The following PIK3R4 variants were observed in gnomAD, a reference collection of about 807,000 sequenced individuals.
The protein encoded by PIK3R4 is phosphoinositide-3-kinase regulatory subunit 4.
Under a neutral mutation model 136.5 loss-of-function variants are expected in PIK3R4, and 46 were observed. The observed-to-expected ratio is 0.34, with a 90% CI of 0.27 to 0.43. The LOEUF (loss-of-function observed/expected upper bound fraction) is 0.43. PIK3R4 is among the 20% of genes least tolerant of loss of function. PIK3R4 has a pLI of 1.00. For synonymous variants in PIK3R4, 557 were observed against 566.7 expected (o/e 0.98, Z 0.24); for missense variants, 1,331 against 1,649.5 (o/e 0.81, Z 3.35).
At chr3:130,707,722 G>C (rs1265663035) in intron 10 of PIK3R4, among the ~76,000 whole-genome samples, 1 of 152,152 alleles carries the variant, frequency 6.6e-6, no homozygotes, top group Non-Finnish European at 1.5e-5. Flanking sequence ...AACTGGCAGT[G>C]AATATATGTG....
At chr3:130,679,636 A>C (rs1245201245) in intron 19 of PIK3R4, 151 bp from the exon 20 acceptor site, 1 of 532,228 alleles carries the variant, frequency 1.9e-6, no homozygotes, top group African/African-American at 1.9e-5. Flanking sequence ...GAGCAAAAGG[A>C]GTAGAGGAGC....
intron 5 of PIK3R4, among the ~76,000 whole-genome samples, chr3:130,729,352 C>CT (rs1312489551): frequency 6.6e-6 from 1 of 152,198 alleles, no homozygotes. Flanking sequence ...CAGAGCTAAT[C>CT]TTTAACAATT....
At chr3:130,711,470 C>T (rs2066632154) in intron 9 of PIK3R4, among the ~76,000 whole-genome samples, 1 of 152,134 alleles carries the variant, frequency 6.6e-6, no homozygotes, top group Non-Finnish European at 1.5e-5. Flanking sequence ...AGGATCTGCA[C>T]AGAATGAGAG....
chr3:130,711,542 T>A (rs575839635), intron 9 of PIK3R4, among the ~76,000 whole-genome samples: 4 of 152,284 alleles, frequency 2.6e-5, no homozygotes, highest in African/African-American at 9.6e-5. Context: ...TATGTATGCA[T>A]AAGGAAACCA....
chr3:130,681,829 A>G (rs1043804223), intron 16 of PIK3R4, among the ~76,000 whole-genome samples: 1 of 152,152 alleles, frequency 6.6e-6, no homozygotes, highest in African/African-American at 2.4e-5. Context: ...AAAGCAGAAA[A>G]ATTCCCAGTT....
At chr3:130,744,434 C>T in intron 2 of PIK3R4, 52 bp downstream of exon 2, 1 of 1,524,250 alleles carries the variant, frequency 6.6e-7, no homozygotes, top group Non-Finnish European at 8.8e-7. Flanking sequence ...TTCTGTTTAA[C>T]AGTTAAAAGA....
At chr3:130,681,403 C>T in intron 17 of PIK3R4, 88 bp downstream of exon 17, 1 of 886,488 alleles carries the variant, frequency 1.1e-6, no homozygotes, top group East Asian at 2.4e-5. Flanking sequence ...CCCAAAAGCC[C>T]AACAGATACT....
At chr3:130,680,437 G>A in intron 19 of PIK3R4, 176 bp downstream of exon 19, 2 of 449,720 alleles carry the variant, frequency 4.4e-6, no homozygotes, top group Non-Finnish European at 8.0e-6. Flanking sequence ...CTTTCTTTAT[G>A]CTTATTTTAC....
intron 1 of PIK3R4, 121 bp from the exon 2 acceptor site, chr3:130,745,385 C>A (rs779631131): frequency 2.3e-5 from 14 of 614,566 alleles, no homozygotes; most frequent in Non-Finnish European, 3.5e-5. Flanking sequence ...CTTCCACTAA[C>A]AGCACTGTAC....
chr3:130,721,000 G>A (rs1484159458), intron 7 of PIK3R4, among the ~76,000 whole-genome samples: 8 of 151,990 alleles, frequency 5.3e-5, no homozygotes, highest in African/African-American at 1.9e-4. Flanking sequence ...TCATGCCACT[G>A]CACTCCAGCC....
At chr3:130,692,208 T>C (rs2066523435) in intron 13 of PIK3R4, among the ~76,000 whole-genome samples, 1 of 152,150 alleles carries the variant, frequency 6.6e-6, no homozygotes, top group Non-Finnish European at 1.5e-5. Flanking sequence ...TTTGCTGAAA[T>C]GATTTTCAAA....
chr3:130,716,643 TAC>T lies in PIK3R4; in HGVS notation c.2128-46_2128-45del, dbSNP rs774934526. 6 of 1,165,622 alleles carry T rather than the reference TAC, an allele frequency of 5.1e-6. No homozygotes were observed. The Admixed American group carries it at 1.5e-4, about 28-fold the overall frequency. 72.2% of individuals were successfully genotyped at this position (1,165,622 alleles called of 1,614,324 possible). On this transcript the variant is annotated intron_variant, in intron 8 of 19. Coordinates refer to ENST00000356763, the MANE Select transcript of PIK3R4 (RefSeq NM_014602.3). ...AAGGATCAGCCAAAAATATAACATG[TAC>T]AGTTATTTTCAAATTCAATAAATAC... is the stretch of plus-strand genomic sequence containing the variant.
chr3:130,703,734 G>T lies in PIK3R4; in HGVS notation c.3087C>A (p.Thr1029=). 1 of 1,610,504 alleles carries T rather than the reference G, an allele frequency of 6.2e-7. No homozygotes were observed. The highest frequency in any genetic ancestry group is 1.7e-5 in the Admixed American group (1 of 59,948). ...TGAGCATATGGTACCTGGTAGTGGT[G>T]GTCTTCCCCTCCATCTTTTGACTGT... ...IWNSQKMEGK[T]TTTRSILTYS... The change falls in exon 13 of 20, where the codon ACC becomes ACA. Residue 1029 remains threonine, a synonymous_variant. Coordinates refer to ENST00000356763, the MANE Select transcript of PIK3R4 (RefSeq NM_014602.3).
At position 130,679,302 on chromosome 3, in the gene PIK3R4, A is replaced by AAATC. The variant is rs1382951683; in HGVS notation, c.*9_*12dup. 5.9e-6 allele frequency: 9 copies of AAATC among 1,515,904 alleles called. No homozygotes were observed. Among genetic ancestry groups the AAATC allele is most frequent in the Admixed American group, 4.0e-5 (2 of 50,580 alleles). The allele number at this position is 1,515,904 out of a possible 1,614,324, so 93.9% of individuals were successfully genotyped here. On this transcript the variant is annotated 3_prime_UTR_variant, in exon 20 of 20. Coordinates refer to ENST00000356763, the MANE Select transcript of PIK3R4 (RefSeq NM_014602.3). Reference sequence around the variant, plus strand: ...TATTTATAACTATTAAAATTTATACAAATCAGTAGGTTTTATTTCCACACC... The same window carrying AAATC: ...TATTTATAACTATTAAAATTTATACAAATCAATCAGTAGGTTTTATTTCCACACC...
intron 19 of PIK3R4, chr3:130,680,388 A>C: frequency 3.7e-6 from 1 of 267,502 alleles, no homozygotes; most frequent in South Asian, 8.0e-5. Flanking sequence ...ACGATGTTAT[A>C]AAGTACATAC....
In PIK3R4 at chr3:130,716,608, G is replaced by A. The variant is rs1478026291; in HGVS notation, c.2128-9C>T. Reference sequence around the variant, plus strand: ...ACAAGTTTTCTTTCAATCTATATTGGAAAAATAAAAAGGATCAGCCAAAAA... The same window carrying A: ...ACAAGTTTTCTTTCAATCTATATTGAAAAAATAAAAAGGATCAGCCAAAAA... On this transcript the variant is annotated splice_polypyrimidine_tract_variant and intron_variant, in intron 8 of 19. Coordinates refer to ENST00000356763, the MANE Select transcript of PIK3R4 (RefSeq NM_014602.3). 1 of 1,583,572 alleles carries A rather than the reference G, an allele frequency of 6.3e-7. No individual in the cohort carries two copies. Among genetic ancestry groups the A allele is most frequent in the Non-Finnish European group, 8.6e-7 (1 of 1,162,212 alleles).
intron 6 of PIK3R4, among the ~76,000 whole-genome samples, chr3:130,724,075 A>G (rs557525647): frequency 1.3e-5 from 2 of 152,342 alleles, no homozygotes; most frequent in African/African-American, 2.4e-5. Context: ...AAAAGCTAGC[A>G]AAGACCTAGA....
chr3:130,701,287 G>A (rs940275808), intron 13 of PIK3R4, among the ~76,000 whole-genome samples: 4 of 152,178 alleles, frequency 2.6e-5, no homozygotes, highest in East Asian at 1.9e-4. Flanking sequence ...TGAGGCGGGC[G>A]GATCACTTGA....
intron 13 of PIK3R4, among the ~76,000 whole-genome samples, chr3:130,697,173 A>G (rs2066550760): frequency 6.9e-6 from 1 of 144,646 alleles, no homozygotes. Flanking sequence ...GGGTTCAAGC[A>G]GTTCTCCCAC....
Sources: allele counts gnomAD v4.1 joint callset (sites outside exome capture counted in the v4.1 genomes callset), GRCh38; gene constraint gnomAD v4.1.1; transcripts MANE v1.5; gene names NCBI Gene and HGNC (gene_info 2026-07-23, HGNC 2026-07-21).